The following PDSS1 variants were observed in gnomAD, a reference collection of about 807,000 sequenced individuals.
PDSS1 encodes all trans-polyprenyl-diphosphate synthase PDSS1.
In PDSS1, 43 loss-of-function variants were observed where a neutral mutation model predicts 57.5. The ratio of observed to expected loss-of-function variants is 0.75; its 90% CI spans 0.59 to 0.96. The LOEUF (loss-of-function observed/expected upper bound fraction) is 0.96, where lower values mean the gene tolerates loss of function less well. Among genes scored for constraint, PDSS1 ranks in the 50% least tolerant of loss-of-function variants. PDSS1 has a pLI of 0.00. For missense variants in PDSS1, 438 were observed against 527.8 expected, an observed-to-expected ratio of 0.83 and a Z score of 1.67; for synonymous variants, 175 against 191.3, an observed-to-expected ratio of 0.91 and a Z score of 0.70.
rs1394791960 is a variant in PDSS1 at position 26,744,667 on chromosome 10, G to A, written c.1108-1666G>A. 3.3e-5 allele frequency among the ~76,000 whole-genome samples: 5 copies of A among 152,084 alleles called. No homozygotes were observed. In the East Asian group the frequency reaches 5.8e-4, roughly 18 times the overall value. ...CTCCCAAAGTGCTGGGAATACAGGC[G>A]TGAGCCACCGCGCTCAGTCCCCATG... On this transcript the variant is annotated intron_variant, in intron 11 of 11. Coordinates refer to ENST00000376215, the MANE Select transcript of PDSS1 (RefSeq NM_014317.5).
chr10:26,702,250 G>A lies in PDSS1; in HGVS notation c.162+56G>A, dbSNP rs1780185. On this transcript the variant is annotated intron_variant, in intron 2 of 11. Coordinates refer to ENST00000376215, the MANE Select transcript of PDSS1 (RefSeq NM_014317.5). Reference sequence around the variant, plus strand: ...ATGCTAGAATGAGTTAAGACTTTTGGGGACTGTTCGGAAGGAATGATTGGT... The same window carrying A: ...ATGCTAGAATGAGTTAAGACTTTTGAGGACTGTTCGGAAGGAATGATTGGT... The A allele has an allele frequency of 0.64, 266,749 of 415,312 alleles. 89,057 individuals are homozygous for A. Among genetic ancestry groups the A allele is most frequent in the East Asian group, 0.81 (11,048 of 13,700 alleles). The allele number at this position is 415,312 out of a possible 1,614,324, so 25.7% of individuals were successfully genotyped here.
chr10:26,699,010 A>G (rs761638530), intron 1 of PDSS1, among the ~76,000 whole-genome samples: 34 of 152,302 alleles, frequency 2.2e-4, no homozygotes, highest in Middle Eastern at 6.8e-3. Context: ...CTGTAGTTCT[A>G]CCTACTCAGG....
intron 2 of PDSS1, among the ~76,000 whole-genome samples, chr10:26,704,292 A>C (rs576662550): frequency 4.7e-4 from 71 of 152,184 alleles, no homozygotes; most frequent in South Asian, 1.0e-3. Context: ...TAAAATAGAC[A>C]GTGTTTGTAT....
intron 5 of PDSS1, among the ~76,000 whole-genome samples, chr10:26,719,502 G>A (rs1045044207): frequency 6.6e-6 from 1 of 152,232 alleles, no homozygotes; most frequent in Non-Finnish European, 1.5e-5. Context: ...GGGTGCGGTG[G>A]CTTACGCCTG....
Position 26,712,005 on chromosome 10 carries a change from T to C in PDSS1, c.467+2237T>C, listed in dbSNP as rs1011669224. Among the ~76,000 whole-genome samples the C allele has an allele frequency of 7.6e-5, 6 of 78,860 alleles. 3 individuals are homozygous for C. The highest frequency in any genetic ancestry group is 2.4e-4 in the African/African-American group (6 of 24,698). 51.7% of individuals were successfully genotyped at this position (78,860 alleles called of 152,430 possible). ...GAAGTTTTTCTTTTTCTTTTTCTTTTTTTTTTTTTTTTTTGAGATGGAGTC... is the reference window on the plus strand; with the variant it reads ...GAAGTTTTTCTTTTTCTTTTTCTTTCTTTTTTTTTTTTTTGAGATGGAGTC... On this transcript the variant is annotated intron_variant, in intron 5 of 11. Transcript: ENST00000376215.
chr10:26,728,244 C>T (rs539432902), intron 8 of PDSS1, among the ~76,000 whole-genome samples: 1 of 152,152 alleles, frequency 6.6e-6, no homozygotes, highest in African/African-American at 2.4e-5. Flanking sequence ...GTAATCTCAG[C>T]ACTTTGGGAG....
rs1414686308 is a variant in PDSS1 at position 26,704,695 on chromosome 10, G to C, written c.181G>C (p.Val61Leu). ...TTTATAGATACCCTATATTAATCTT[G>C]TGAAGCATTTAACATCTGCCTGTCC... ...DLSQIPYINL[V>L]KHLTSACPNV... The change falls in exon 3 of 12, where the codon GTG becomes CTG. Residue 61 changes from valine to leucine, a missense_variant. Physicochemically the swap from Val to Leu is conservative, Grantham distance 32. Transcript: ENST00000376215. 3 of 1,430,088 alleles carry C rather than the reference G, an allele frequency of 2.1e-6. No individual in the cohort carries two copies. The South Asian group carries it at 3.4e-5, about 16-fold the overall frequency. The allele number at this position is 1,430,088 out of a possible 1,614,324, so 88.6% of individuals were successfully genotyped here. A position where few individuals can be genotyped will look rare whatever the true frequency, so the allele number is the denominator to read the frequency against.
chr10:26,738,251 T>C (rs775988058), intron 10 of PDSS1, among the ~76,000 whole-genome samples: 4 of 152,276 alleles, frequency 2.6e-5, no homozygotes, highest in Non-Finnish European at 5.9e-5. Context: ...GATTCTTTCA[T>C]ACATTATCTC....
chr10:26,729,137 A>C (rs117131485), intron 8 of PDSS1, among the ~76,000 whole-genome samples: 1 of 151,962 alleles, frequency 6.6e-6, no homozygotes, highest in East Asian at 1.9e-4. Context: ...CAATTATCCA[A>C]CGTATGGCCA....
intron 8 of PDSS1, among the ~76,000 whole-genome samples, chr10:26,728,343 A>G (rs761409986): frequency 6.6e-6 from 1 of 152,062 alleles, no homozygotes; most frequent in African/African-American, 2.4e-5. Context: ...TACAAAAATT[A>G]GCCGGGCGTA....
intron 4 of PDSS1, among the ~76,000 whole-genome samples, chr10:26,708,333 C>T (rs1238807986): frequency 6.6e-6 from 1 of 152,204 alleles, no homozygotes; most frequent in Non-Finnish European, 1.5e-5. Flanking sequence ...GCGACACACA[C>T]CCGTCAGCCG....
intron 10 of PDSS1, among the ~76,000 whole-genome samples, chr10:26,741,263 T>C (rs1256563780): frequency 6.6e-6 from 1 of 152,106 alleles, no homozygotes; most frequent in African/African-American, 2.4e-5. Context: ...GGTGGACAGA[T>C]CACCTGAGGT....
intron 4 of PDSS1, 30 bp from the exon 5 acceptor site, chr10:26,709,608 C>T (rs762144614): frequency 2.5e-6 from 4 of 1,610,274 alleles, no homozygotes; most frequent in Non-Finnish European, 3.4e-6. Flanking sequence ...TTTTTTGATG[C>T]CATTGTGACA....
At chr10:26,706,988 C>A (rs1044779995) in intron 4 of PDSS1, among the ~76,000 whole-genome samples, 2 of 138,368 alleles carry the variant, frequency 1.4e-5, no homozygotes, top group Non-Finnish European at 3.2e-5. Context: ...GTAAGAGGGC[C>A]AAGCTGGTGA....
intron 10 of PDSS1, among the ~76,000 whole-genome samples, chr10:26,740,123 CA>C (rs1836536668): frequency 7.3e-6 from 1 of 136,224 alleles, no homozygotes; most frequent in Non-Finnish European, 1.5e-5. Context: ...GCCTGGATGA[CA>C]GAGCGAAACT....
intron 10 of PDSS1, among the ~76,000 whole-genome samples, chr10:26,736,140 C>T (rs1836390041): frequency 6.6e-6 from 1 of 152,202 alleles, no homozygotes; most frequent in Non-Finnish European, 1.5e-5. Flanking sequence ...ATAGTTCCTT[C>T]TTTCTCCGGA....
chr10:26,732,574 C>T (rs984647944), intron 8 of PDSS1, among the ~76,000 whole-genome samples: 1 of 152,172 alleles, frequency 6.6e-6, no homozygotes, highest in Admixed American at 6.5e-5. Flanking sequence ...GGATGAAATT[C>T]AGGTTCCAGC....
chr10:26,716,417 C>T (rs895771223), intron 5 of PDSS1, among the ~76,000 whole-genome samples: 7 of 151,926 alleles, frequency 4.6e-5, no homozygotes, highest in Non-Finnish European at 5.9e-5. Context: ...TTTTTTTGGC[C>T]GGGTGCGGTG....
At chr10:26,700,196 G>T (rs1207075066) in intron 1 of PDSS1, among the ~76,000 whole-genome samples, 1 of 151,886 alleles carries the variant, frequency 6.6e-6, no homozygotes, top group Non-Finnish European at 1.5e-5. Context: ...TTTAGAGACG[G>T]GGACTTTTTG....
Sources: gnomAD v4.1 joint callset for allele counts (sites outside exome capture counted in the v4.1 genomes callset) on GRCh38, gnomAD v4.1.1 for gene constraint, MANE v1.5 for transcripts, NCBI Gene and HGNC (gene_info 2026-07-23, HGNC 2026-07-21) for gene names.